TTLL6: variants seen among roughly 807,000 people sequenced by gnomAD.
TTLL6 encodes tubulin tyrosine ligase like 6, also known as tubulin polyglutamylase TTLL6.
Under a neutral mutation model 96.4 loss-of-function variants are expected in TTLL6, and 75 were observed. The ratio of observed to expected loss-of-function variants is 0.78; its 90% CI spans 0.65 to 0.94. The LOEUF (loss-of-function observed/expected upper bound fraction) is 0.94, where lower values mean the gene tolerates loss of function less well. Ranked by LOEUF, TTLL6 falls within the 40% of genes least tolerant of loss-of-function variation. The pLI, the probability that TTLL6 is intolerant of heterozygous loss-of-function variation, is 0.00. For synonymous variants in TTLL6, 411 were observed against 419.4 expected, an observed-to-expected ratio of 0.98 and a Z score of 0.24; for missense variants, 1,030 against 1,093.0, an observed-to-expected ratio of 0.94 and a Z score of 0.81.
At position 48,804,835 on chromosome 17, in the gene TTLL6, G is replaced by C. The variant is rs1157544886; in HGVS notation, c.260C>G (p.Pro87Arg). The part of the protein sequence containing the change: ...TVALAFVREN[P>R]GAQNGLQNAQ... ...ATTCTGAAGTCCGTTTTGTGCCCCT[G>C]GGTTCTCTCTCACAAAAGCCAGCGC... Residue 87 changes from proline to arginine, a missense_variant, in exon 2 of 16, where the codon CCA (proline) becomes CGA (arginine). Coordinates refer to ENST00000393382, the MANE Select transcript of TTLL6 (RefSeq NM_001130918.3). 6.4e-7 allele frequency: 1 copy of C among 1,552,244 alleles called. No homozygotes were observed. The highest frequency in any genetic ancestry group is 1.7e-4 in the Middle Eastern group (1 of 5,998).
At chr17:48,816,137 G>A (rs2039664201) in intron 1 of TTLL6, among the ~76,000 whole-genome samples, 2 of 151,980 alleles carry the variant, frequency 1.3e-5, no homozygotes, top group South Asian at 2.1e-4. Context: ...CAAAATAAAG[G>A]CTATATTGTA....
At chr17:48,784,374 C>G (rs983556291) in intron 13 of TTLL6, among the ~76,000 whole-genome samples, 7 of 151,808 alleles carry the variant, frequency 4.6e-5, no homozygotes, top group African/African-American at 1.7e-4. Flanking sequence ...CACTGCACCC[C>G]AGCCTAGGTA....
At chr17:48,808,725 C>A (rs569075653) in intron 1 of TTLL6, among the ~76,000 whole-genome samples, 14 of 152,248 alleles carry the variant, frequency 9.2e-5, no homozygotes, top group Non-Finnish European at 1.8e-4. Context: ...CCTGCCACCA[C>A]GTCAGGCTAA....
Position 48,762,846 on chromosome 17 carries a change from G to A in TTLL6, c.*128C>T, listed in dbSNP as rs2143144746. 1 of 448,326 alleles carries A rather than the reference G, an allele frequency of 2.2e-6. No homozygotes were observed. Among genetic ancestry groups the A allele is most frequent in the East Asian group, 7.0e-5 (1 of 14,294 alleles). The allele number at this position is 448,326 out of a possible 1,614,324, so 27.8% of individuals were successfully genotyped here. Reference sequence around the variant, plus strand: ...GCTACTAGGAACTAATGGAAGACCAGTATATCTAGATGAGCAAACAAAACT... The same window carrying A: ...GCTACTAGGAACTAATGGAAGACCAATATATCTAGATGAGCAAACAAAACT... On this transcript the variant is annotated 3_prime_UTR_variant, in exon 16 of 16. Coordinates refer to ENST00000393382, the MANE Select transcript of TTLL6 (RefSeq NM_001130918.3).
chr17:48,794,166 G>A, intron 8 of TTLL6: 1 of 1,613,346 alleles, frequency 6.2e-7, no homozygotes, highest in African/African-American at 1.3e-5. Flanking sequence ...AGGGGAAATG[G>A]AAGAGGCAGA....
intron 13 of TTLL6, among the ~76,000 whole-genome samples, chr17:48,781,046 T>C (rs2038974898): frequency 6.6e-6 from 1 of 150,924 alleles, no homozygotes; most frequent in African/African-American, 2.4e-5. Context: ...GTAATTCTAT[T>C]TTTAATTTTT....
In TTLL6 at chr17:48,784,991, T is replaced by G; in HGVS notation, c.1972A>C (p.Ser658Arg). Residue 658 changes from serine (S) to arginine (R), a missense_variant, in exon 13 of 16, where the codon AGT (serine) becomes CGT (arginine). Transcript: ENST00000393382. ...TCCTTGATGCTGAAGTTGGGTTTAC[T>G]GGGCTCCAACTTCGAGCTGCTGAGA... ...INLSSSKLEP[S>R]KPNFSIKEAK... 1 of 1,614,240 alleles carries G rather than the reference T, an allele frequency of 6.2e-7. No individual in the cohort carries two copies. The highest frequency in any genetic ancestry group is 1.1e-5 in the South Asian group (1 of 91,084).
At chr17:48,793,524 C>T (rs747764866) in intron 8 of TTLL6, among the ~76,000 whole-genome samples, 4 of 150,406 alleles carry the variant, frequency 2.7e-5, no homozygotes, top group South Asian at 4.2e-4. Flanking sequence ...ATCCGGGAGT[C>T]GAAACTTTTG....
At chr17:48,785,386 T>G (rs1438029139) in intron 12 of TTLL6, among the ~76,000 whole-genome samples, 185 bp from the exon 13 acceptor site, 2 of 152,212 alleles carry the variant, frequency 1.3e-5, no homozygotes, top group African/African-American at 4.8e-5. Context: ...CATGGATAGC[T>G]CACAGGGTCT....
intron 13 of TTLL6, among the ~76,000 whole-genome samples, chr17:48,778,566 T>C (rs1597968905): frequency 6.7e-6 from 1 of 148,182 alleles, no homozygotes. Flanking sequence ...GAGGCTGAGG[T>C]GGGAGGATTG....
chr17:48,809,424 C>A, intron 1 of TTLL6, among the ~76,000 whole-genome samples: 1 of 152,196 alleles, frequency 6.6e-6, no homozygotes, highest in East Asian at 1.9e-4. Context: ...AGGAGTGGCT[C>A]TGTTTACCTA....
intron 1 of TTLL6, chr17:48,812,064 A>ACCTCCCC (rs2039602289): frequency 5.4e-4 from 41 of 76,136 alleles, no homozygotes; most frequent in African/African-American, 2.0e-3. Context: ...TGATGCTGGG[A>ACCTCCCC]CCCCCCCCCC....
chr17:48,804,229 G>A, intron 2 of TTLL6: 1 of 558,420 alleles, frequency 1.8e-6, no homozygotes, highest in East Asian at 4.0e-5. Context: ...TACTCCACTG[G>A]CTCATCAGGG....
chr17:48,808,133 C>T (rs1387337330), intron 1 of TTLL6, among the ~76,000 whole-genome samples: 4 of 152,046 alleles, frequency 2.6e-5, no homozygotes, highest in African/African-American at 9.7e-5. Context: ...CCACCGCGCC[C>T]GGCCATTTCT....
intron 9 of TTLL6, 25 bp from the exon 10 acceptor site, chr17:48,790,131 G>A (rs757430030): frequency 1.2e-6 from 2 of 1,610,466 alleles, no homozygotes; most frequent in South Asian, 1.1e-5. Flanking sequence ...TTGGCAGCTG[G>A]TGACAAAGCC....
chr17:48,793,452 G>C (rs2039262386), intron 8 of TTLL6, among the ~76,000 whole-genome samples: 1 of 152,140 alleles, frequency 6.6e-6, no homozygotes, highest in South Asian at 2.1e-4. Context: ...AATTGGCCAA[G>C]CATGGTGGTG....
At position 48,787,812 on chromosome 17, in the gene TTLL6, G is replaced by A. The variant is rs748786433; in HGVS notation, c.1588C>T (p.Arg530Trp). 15 of 1,613,188 alleles carry A rather than the reference G, an allele frequency of 9.3e-6. No individual in the cohort carries two copies. The highest frequency in any genetic ancestry group is 3.3e-4 in the Middle Eastern group (2 of 6,056). ...VASRAREEYARQLIQELRLKR... is the reference protein window; with the variant it reads ...VASRAREEYAWQLIQELRLKR... ...ACCTCATCCCGGATGTCTTCCTACC[G>A]GGCATACTCCTCCCGAGCCCTGGAA... The change falls in exon 11 of 16, where the codon CGG becomes TGG. Residue 530 changes from arginine (R) to tryptophan (W), a missense_variant and splice_region_variant. Coordinates refer to ENST00000393382, the MANE Select transcript of TTLL6 (RefSeq NM_001130918.3).
At chr17:48,771,163 C>T (rs1204202844) in intron 13 of TTLL6, among the ~76,000 whole-genome samples, 4 of 152,044 alleles carry the variant, frequency 2.6e-5, no homozygotes, top group South Asian at 2.1e-4. Flanking sequence ...CTTTCATGTG[C>T]AGTTTGGCGT....
At position 48,809,696 on chromosome 17, in the gene TTLL6, TA is replaced by T. The variant is rs943537821; in HGVS notation, c.104-4706del. Reference sequence around the variant, plus strand: ...CAACAAAGTGAGACCCCATCTCTATTAAAAAAAAAATTAGCTGAGTGCAGTG... The same window carrying T: ...CAACAAAGTGAGACCCCATCTCTATTAAAAAAAAATTAGCTGAGTGCAGTG... On this transcript the variant is annotated intron_variant, in intron 1 of 15. Coordinates refer to ENST00000393382, the MANE Select transcript of TTLL6 (RefSeq NM_001130918.3). Among the ~76,000 whole-genome samples the T allele has an allele frequency of 5.6e-4, 83 of 149,482 alleles. 1 individual carries two copies. The highest frequency in any genetic ancestry group is 8.0e-4 in the Admixed American group (12 of 14,960).
Sources: allele counts gnomAD v4.1 joint callset (sites outside exome capture counted in the v4.1 genomes callset), GRCh38; gene constraint gnomAD v4.1.1; transcripts MANE v1.5; gene names NCBI Gene and HGNC (gene_info 2026-07-23, HGNC 2026-07-21).